Variants in SH2D4B observed in about 807,000 individuals in gnomAD.
SH2D4B encodes SH2 domain-containing protein 4B.
A neutral mutation model predicts 61.5 loss-of-function variants in SH2D4B; 45 were observed. That is an observed-to-expected ratio of 0.73 (90% confidence interval 0.58 to 0.94). SH2D4B has a LOEUF of 0.94. Ranked by LOEUF, SH2D4B falls within the 40% of genes least tolerant of loss-of-function variation. The pLI is 0.00. For missense variants in SH2D4B, 572 were observed against 574.2 expected, an observed-to-expected ratio of 1.00 and a Z score of 0.04; for synonymous variants, 224 against 220.4, an observed-to-expected ratio of 1.02 and a Z score of -0.14.
At chr10:80,609,387 C>T in intron 5 of SH2D4B, 37 bp from the exon 6 acceptor site, 1 of 1,601,948 alleles carries the variant, frequency 6.2e-7, no homozygotes, top group African/African-American at 1.3e-5. Flanking sequence ...TTCTCCCTCC[C>T]TGACTCTTCT....
chr10:80,542,851 G>A (rs1379898136), intron 1 of SH2D4B, among the ~76,000 whole-genome samples: 1 of 152,140 alleles, frequency 6.6e-6, no homozygotes, highest in African/African-American at 2.4e-5. Context: ...TGCACACTCA[G>A]GAAGCTGCTT....
chr10:80,562,829 A>C (rs948432395), intron 1 of SH2D4B, among the ~76,000 whole-genome samples: 1 of 147,020 alleles, frequency 6.8e-6, no homozygotes, highest in African/African-American at 2.5e-5. Context: ...TACAGGTGTG[A>C]GGTGATATCT....
intron 4 of SH2D4B, among the ~76,000 whole-genome samples, chr10:80,595,388 A>G (rs1035983123): frequency 1.3e-5 from 2 of 152,116 alleles, no homozygotes; most frequent in African/African-American, 4.8e-5. Flanking sequence ...CTGTTTTCAC[A>G]TATGTTTATG....
chr10:80,615,186 C>T (rs1353184696), intron 6 of SH2D4B, among the ~76,000 whole-genome samples: 1 of 152,230 alleles, frequency 6.6e-6, no homozygotes, highest in African/African-American at 2.4e-5. Context: ...CTTTGCCATC[C>T]TCGGGCTTGA....
chr10:80,628,365 A>G (rs751433030), intron 6 of SH2D4B, among the ~76,000 whole-genome samples: 35 of 152,204 alleles, frequency 2.3e-4, no homozygotes, highest in Non-Finnish European at 4.9e-4. Context: ...GGTTCCCCAC[A>G]GAAGCTCCTC....
chr10:80,590,168 G>A (rs191897726), intron 4 of SH2D4B, among the ~76,000 whole-genome samples: 162 of 152,286 alleles, frequency 1.1e-3, no homozygotes, highest in African/African-American at 3.7e-3. Flanking sequence ...CTGGGGAAAG[G>A]TAAGGGGAGG....
chr10:80,588,299 T>C (rs35740944), intron 3 of SH2D4B, among the ~76,000 whole-genome samples: 21,176 of 152,160 alleles, frequency 0.14, 1,987 homozygotes, highest in African/African-American at 0.26. Flanking sequence ...GGGTCAGGCA[T>C]CTCATAGTCT....
At chr10:80,634,863 A>T (rs1272983250) in intron 7 of SH2D4B, among the ~76,000 whole-genome samples, 2 of 152,184 alleles carry the variant, frequency 1.3e-5, no homozygotes, top group Non-Finnish European at 2.9e-5. Context: ...AACGTCTCTC[A>T]TGAGGACCTC....
At chr10:80,624,080 C>T (rs376506079) in intron 6 of SH2D4B, among the ~76,000 whole-genome samples, 33 of 152,254 alleles carry the variant, frequency 2.2e-4, no homozygotes, top group Middle Eastern at 6.8e-3. Context: ...TCTACCTGTG[C>T]GCTCCAAATC....
chr10:80,628,388 GC>G (rs1468147524), intron 6 of SH2D4B, among the ~76,000 whole-genome samples: 1 of 152,006 alleles, frequency 6.6e-6, no homozygotes, highest in Non-Finnish European at 1.5e-5. Context: ...TTTGCCTGCT[GC>G]CATCCACGTA....
chr10:80,637,820 A>G (rs915526612), intron 7 of SH2D4B, among the ~76,000 whole-genome samples: 2 of 152,150 alleles, frequency 1.3e-5, no homozygotes, highest in Non-Finnish European at 2.9e-5. Context: ...TTCCAACACT[A>G]TATTGAATTG....
intron 6 of SH2D4B, among the ~76,000 whole-genome samples, chr10:80,629,668 T>C (rs1415170951): frequency 6.6e-6 from 1 of 152,224 alleles, no homozygotes; most frequent in Non-Finnish European, 1.5e-5. Flanking sequence ...GAATACTTAG[T>C]GCATCCAATG....
At chr10:80,638,913 G>T (rs1215377529) in intron 7 of SH2D4B, among the ~76,000 whole-genome samples, 2 of 152,158 alleles carry the variant, frequency 1.3e-5, no homozygotes, top group Admixed American at 1.3e-4. Context: ...GCTTTCTCTT[G>T]TGGGCATTTA....
At chr10:80,575,571 G>A (rs909586915) in intron 3 of SH2D4B, among the ~76,000 whole-genome samples, 1 of 152,048 alleles carries the variant, frequency 6.6e-6, no homozygotes, top group Non-Finnish European at 1.5e-5. Context: ...GACCAGCCTG[G>A]CCAACATGGT....
chr10:80,603,654 C>A lies in SH2D4B; in HGVS notation c.719C>A (p.Ser240Ter). Residue 240 changes from serine (S) to a stop codon, truncating the protein, a stop_gained, in exon 5 of 8, where the codon TCG (serine) becomes TAG (stop). Coordinates refer to ENST00000646907, the MANE Select transcript of SH2D4B (RefSeq NM_001388272.1). LOFTEE classifies it high-confidence loss of function. ...QRARDEYRHH[S>*]LRAIQKGTVA... ...GCCCGGGACGAGTACCGACACCACT[C>A]GCTCCGTGCTATCCAGAAGGGCACG... The A allele has an allele frequency of 6.2e-7, 1 of 1,605,888 alleles. No individual in the cohort carries two copies. The highest frequency in any genetic ancestry group is 8.5e-7 in the Non-Finnish European group (1 of 1,176,824).
intron 6 of SH2D4B, among the ~76,000 whole-genome samples, chr10:80,632,848 C>T (rs555424252): frequency 6.6e-6 from 1 of 151,578 alleles, no homozygotes. Flanking sequence ...TTTCAGGTGT[C>T]CTGTGGCGAA....
At chr10:80,625,184 T>C (rs888408884) in intron 6 of SH2D4B, among the ~76,000 whole-genome samples, 2 of 152,250 alleles carry the variant, frequency 1.3e-5, no homozygotes, top group African/African-American at 4.8e-5. Context: ...CGTTTTTTTT[T>C]CTCATTCCAT....
intron 4 of SH2D4B, among the ~76,000 whole-genome samples, chr10:80,601,315 T>G (rs931837280): frequency 1.3e-5 from 2 of 152,210 alleles, no homozygotes; most frequent in Non-Finnish European, 2.9e-5. Flanking sequence ...GCCCCTAAGC[T>G]CTGACAATAC....
Position 80,588,729 on chromosome 10 carries a change from C to T in SH2D4B, c.595C>T (p.Leu199=). ...ELYWTLKQAQ[L]HCQASEKEER... is the part of the protein sequence containing the mutation. ...CTACTGGACCCTGAAGCAGGCTCAG[C>T]TGCATTGCCAAGCCAGTGAGAAAGA... The change falls in exon 4 of 8, where the codon CTG becomes TTG. Residue 199 remains leucine (L), a synonymous_variant. Coordinates refer to ENST00000646907, the MANE Select transcript of SH2D4B (RefSeq NM_001388272.1). 6.2e-7 allele frequency: 1 copy of T among 1,614,122 alleles called. No homozygotes were observed. The highest frequency in any genetic ancestry group is 2.2e-5 in the East Asian group (1 of 44,884).
Sources: allele counts gnomAD v4.1 joint callset (sites outside exome capture counted in the v4.1 genomes callset), GRCh38; gene constraint gnomAD v4.1.1; transcripts MANE v1.5; gene names NCBI Gene and HGNC (gene_info 2026-07-23, HGNC 2026-07-21).